The following CDH18 variants were observed in gnomAD, a reference collection of about 807,000 sequenced individuals.
CDH18 encodes cadherin-18.
CDH18 carries 31 observed loss-of-function variants against 67.9 expected under a neutral mutation model. The ratio of observed to expected loss-of-function variants is 0.46; its 90% CI spans 0.34 to 0.62. CDH18 has a LOEUF of 0.62. Ranked by LOEUF, CDH18 falls within the 20% of genes least tolerant of loss-of-function variation. CDH18 has a pLI of 0.01. For missense variants in CDH18, 890 were observed against 975.5 expected, an observed-to-expected ratio of 0.91 and a Z score of 1.17; for synonymous variants, 362 against 347.2, an observed-to-expected ratio of 1.04 and a Z score of -0.48.
chr5:20,066,900 G>T (rs1743025396), intron 2 of CDH18, among the ~76,000 whole-genome samples: 1 of 151,696 alleles, frequency 6.6e-6, no homozygotes, highest in African/African-American at 2.4e-5. Flanking sequence ...TAGAAAATGG[G>T]CTAAATTTAT....
At chr5:19,757,113 C>T (rs1771706856) in intron 3 of CDH18, among the ~76,000 whole-genome samples, 1 of 152,178 alleles carries the variant, frequency 6.6e-6, no homozygotes, top group African/African-American at 2.4e-5. Flanking sequence ...CACTGCCACA[C>T]TTTTTTGTTG....
intron 4 of CDH18, among the ~76,000 whole-genome samples, chr5:19,738,140 A>AT (rs1768605483): frequency 2.6e-5 from 4 of 152,114 alleles, no homozygotes; most frequent in Non-Finnish European, 4.4e-5. Flanking sequence ...ATTTAGTTTT[A>AT]GACACTTTGT....
chr5:19,774,936 C>T lies in CDH18; in HGVS notation c.229-27700G>A, dbSNP rs568797249. Among the ~76,000 whole-genome samples, 5 of 149,982 alleles carry T rather than the reference C, an allele frequency of 3.3e-5. No homozygotes were observed. In the East Asian group the frequency reaches 1.0e-3, roughly 30 times the overall value. Reference sequence around the variant, plus strand: ...ACCTACAACAGAACCCAACGGACCACGCAATACCCTGATGTTGGACTTTCA... The same window carrying T: ...ACCTACAACAGAACCCAACGGACCATGCAATACCCTGATGTTGGACTTTCA... On this transcript the variant is annotated intron_variant, in intron 3 of 12. Coordinates refer to ENST00000382275, the MANE Select transcript of CDH18 (RefSeq NM_004934.5).
intron 3 of CDH18, among the ~76,000 whole-genome samples, chr5:19,769,186 C>G (rs989745054): frequency 1.3e-5 from 2 of 151,958 alleles, no homozygotes; most frequent in Non-Finnish European, 2.9e-5. Context: ...TGATAGAAAC[C>G]ATAAATCTAC....
chr5:20,501,569 A>ATTATATAT (rs1491455085), intron 1 of CDH18, among the ~76,000 whole-genome samples: 1 of 16,188 alleles, frequency 6.2e-5, no homozygotes, highest in African/African-American at 1.4e-4. Flanking sequence ...ATATATATAT[A>ATTATATAT]ATATATATAT....
chr5:19,675,064 G>A (rs751892208), intron 5 of CDH18, among the ~76,000 whole-genome samples: 5 of 151,962 alleles, frequency 3.3e-5, no homozygotes, highest in African/African-American at 4.8e-5. Context: ...ATCACATGTC[G>A]GCAGGTTCCG....
intron 2 of CDH18, among the ~76,000 whole-genome samples, chr5:20,057,722 G>A (rs973864627): frequency 1.3e-5 from 2 of 152,136 alleles, no homozygotes; most frequent in East Asian, 3.8e-4. Context: ...CTCTACTCTT[G>A]TAAGGTGATG....
chr5:20,120,663 C>G (rs1278912828), intron 2 of CDH18, among the ~76,000 whole-genome samples: 1 of 151,996 alleles, frequency 6.6e-6, no homozygotes, highest in Admixed American at 6.6e-5. Flanking sequence ...CTGGGCAAGG[C>G]CTATGTTTAT....
intron 8 of CDH18, among the ~76,000 whole-genome samples, chr5:19,563,917 G>A (rs1739909507): frequency 6.6e-6 from 1 of 152,184 alleles, no homozygotes; most frequent in South Asian, 2.1e-4. Context: ...GCACTTTGGG[G>A]AGGGAGAACA....
intron 2 of CDH18, among the ~76,000 whole-genome samples, chr5:19,878,874 A>T (rs1442290956): frequency 6.6e-6 from 1 of 152,012 alleles, no homozygotes; most frequent in African/African-American, 2.4e-5. Flanking sequence ...ATTTTTAAAG[A>T]CTTAATTTTT....
intron 2 of CDH18, among the ~76,000 whole-genome samples, chr5:19,876,837 A>C (rs1581751889): frequency 6.6e-6 from 1 of 152,270 alleles, no homozygotes; most frequent in South Asian, 2.1e-4. Flanking sequence ...AGCTATGCTA[A>C]CTTCCTAACC....
At chr5:19,856,704 CA>C (rs67234901) in intron 2 of CDH18, among the ~76,000 whole-genome samples, 19 of 147,994 alleles carry the variant, frequency 1.3e-4, no homozygotes, top group Admixed American at 2.7e-4. Context: ...AAAGAGGCAG[CA>C]AAAAAAAAAA....
At chr5:19,641,813 T>C (rs528298725) in intron 5 of CDH18, among the ~76,000 whole-genome samples, 1 of 151,800 alleles carries the variant, frequency 6.6e-6, no homozygotes, top group Non-Finnish European at 1.5e-5. Context: ...GTACTTGAAG[T>C]CCTAGCCAGT....
chr5:19,495,293 T>A (rs1297875014), intron 11 of CDH18, among the ~76,000 whole-genome samples: 1 of 152,200 alleles, frequency 6.6e-6, no homozygotes, highest in Non-Finnish European at 1.5e-5. Flanking sequence ...TTGAACGGCA[T>A]CCTTTCTCTG....
intron 3 of CDH18, among the ~76,000 whole-genome samples, chr5:19,751,680 T>C (rs1293949708): frequency 6.6e-6 from 1 of 152,192 alleles, no homozygotes; most frequent in African/African-American, 2.4e-5. Context: ...AGTAACAGTC[T>C]CTTGCTAACT....
intron 1 of CDH18, among the ~76,000 whole-genome samples, chr5:20,529,153 A>G (rs901358357): frequency 2.0e-5 from 3 of 152,024 alleles, no homozygotes; most frequent in African/African-American, 7.3e-5. Flanking sequence ...GAAGAAATGG[A>G]TAAATTCCTG....
At position 19,713,715 on chromosome 5, in the gene CDH18, G is replaced by T. The variant is rs556015970; in HGVS notation, c.643+7632C>A. On this transcript the variant is annotated intron_variant, in intron 5 of 12. Transcript: ENST00000382275. The stretch of plus-strand genomic sequence containing the variant: ...AATATGCATTCTCAGTGGAGTATCA[G>T]AGAAAAATGCATTTAGTTTCATTTT... 5.9e-5 allele frequency among the ~76,000 whole-genome samples: 9 copies of T among 152,204 alleles called. No homozygotes were observed. In the South Asian group the frequency reaches 1.7e-3, roughly 28 times the overall value.
chr5:20,287,312 A>G (rs891694021), intron 1 of CDH18, among the ~76,000 whole-genome samples: 1 of 151,796 alleles, frequency 6.6e-6, no homozygotes, highest in African/African-American at 2.4e-5. Flanking sequence ...AATCAATCAC[A>G]TACTGAGTCA....
At chr5:20,456,570 A>C (rs1750848311) in intron 1 of CDH18, among the ~76,000 whole-genome samples, 1 of 152,176 alleles carries the variant, frequency 6.6e-6, no homozygotes, top group Non-Finnish European at 1.5e-5. Flanking sequence ...AATTAGTACA[A>C]AATTCCAAAA....
Sources: gnomAD v4.1 joint callset for allele counts (sites outside exome capture counted in the v4.1 genomes callset) on GRCh38, gnomAD v4.1.1 for gene constraint, MANE v1.5 for transcripts, NCBI Gene and HGNC (gene_info 2026-07-23, HGNC 2026-07-21) for gene names.